Variants in RBFOX1 observed in about 807,000 individuals in gnomAD.
The protein encoded by RBFOX1 is RNA binding fox-1 homolog 1.
In RBFOX1, 8 loss-of-function variants were observed where a neutral mutation model predicts 57.7. That is an observed-to-expected ratio of 0.14 (90% CI 0.08 to 0.25). The LOEUF is 0.25. Ranked by LOEUF, RBFOX1 falls within the 10% of genes least tolerant of loss-of-function variation. The pLI, the probability that RBFOX1 is intolerant of heterozygous loss-of-function variation, is 1.00. For missense variants in RBFOX1, 611 were observed against 548.5 expected (o/e 1.11, Z -1.14); for synonymous variants, 326 against 222.4 (o/e 1.47, Z -4.15).
At chr16:6,779,182 C>T (rs780957477) in intron 3 of RBFOX1, among the ~76,000 whole-genome samples, 21 of 152,046 alleles carry the variant, frequency 1.4e-4, no homozygotes, top group Non-Finnish European at 2.5e-4. Flanking sequence ...AACTCCCCTT[C>T]CTTGCATTTG....
chr16:7,060,349 A>G (rs1415143887), intron 4 of RBFOX1, among the ~76,000 whole-genome samples: 1 of 152,214 alleles, frequency 6.6e-6, no homozygotes, highest in Non-Finnish European at 1.5e-5. Flanking sequence ...AAGGTTAATG[A>G]GGGATTTTTA....
chr16:6,156,145 A>G (rs1013182743), intron 1 of RBFOX1, among the ~76,000 whole-genome samples: 2 of 152,174 alleles, frequency 1.3e-5, no homozygotes, highest in Admixed American at 1.3e-4. Context: ...AATTTTCTAA[A>G]ACATTTTTAA....
intron 3 of RBFOX1, among the ~76,000 whole-genome samples, chr16:7,049,373 C>T (rs1482136249): frequency 2.6e-5 from 4 of 152,078 alleles, no homozygotes; most frequent in African/African-American, 9.7e-5. Context: ...ACCCCTGTTG[C>T]CACTGTTGTT....
In RBFOX1 at chr16:6,881,454, G is replaced by C. The variant is rs1388017592; in HGVS notation, c.-15-170603G>C. On this transcript the variant is annotated intron_variant, in intron 3 of 15. Coordinates refer to ENST00000550418, the MANE Select transcript of RBFOX1 (RefSeq NM_018723.4). ...TCTGAGGGCTGTGAGCAAAGGGTCT[G>C]CTGCAGGCCTATCCGTGGCTTGTAG... Among the ~76,000 whole-genome samples, 3 of 152,150 alleles carry C rather than the reference G, an allele frequency of 2.0e-5. No homozygotes were observed. The East Asian group carries it at 5.8e-4, about 29-fold the overall frequency.
At chr16:5,636,315 C>T (rs1201061822) in intron 3 of RBFOX1, among the ~76,000 whole-genome samples, 2 of 152,148 alleles carry the variant, frequency 1.3e-5, no homozygotes, top group East Asian at 3.9e-4. Context: ...GCCATTTCAC[C>T]CTAGCCTGGG....
chr16:7,190,743 G>C (rs9929583), intron 4 of RBFOX1, among the ~76,000 whole-genome samples: 38,776 of 152,028 alleles, frequency 0.26, 5,481 homozygotes, highest in African/African-American at 0.38. Context: ...ATGGTTCTAG[G>C]TTTGTAGAGC....
chr16:7,428,492 A>ATTTTAT (rs1450893360), intron 4 of RBFOX1, among the ~76,000 whole-genome samples: 1 of 112,098 alleles, frequency 8.9e-6, no homozygotes, highest in South Asian at 3.2e-4. Flanking sequence ...ACTCCTGGCT[A>ATTTTAT]TTTTATTATT....
chr16:6,849,652 A>C (rs1392491321), intron 3 of RBFOX1, among the ~76,000 whole-genome samples: 2 of 152,154 alleles, frequency 1.3e-5, no homozygotes, highest in Non-Finnish European at 2.9e-5. Flanking sequence ...CTGGGCAAGA[A>C]AGCAAGACTC....
In RBFOX1 at chr16:6,539,658, C is replaced by T. The variant is rs201580210; in HGVS notation, c.-63-114945C>T. ...ACTAAAAATACAAAAATTAGCCATGCCTGGTGGCCAGCACCTGTAGTCCCA... is the reference window on the plus strand; with the variant it reads ...ACTAAAAATACAAAAATTAGCCATGTCTGGTGGCCAGCACCTGTAGTCCCA... On this transcript the variant is annotated intron_variant, in intron 2 of 15. Transcript: ENST00000550418. Among the ~76,000 whole-genome samples the T allele has an allele frequency of 5.9e-5, 9 of 152,002 alleles. No individual in the cohort carries two copies. In the East Asian group the frequency reaches 1.4e-3, roughly 23 times the overall value.
At position 7,075,876 on chromosome 16, in the gene RBFOX1, G is replaced by A. The variant is rs139216812; in HGVS notation, c.27+23778G>A. ...ATTACAGGCGTGAGCCACCGCGCCC[G>A]GCCTGGGCTTGCATTTCAACATGTA... On this transcript the variant is annotated intron_variant, in intron 4 of 15. Transcript: ENST00000550418. 1.4e-3 allele frequency among the ~76,000 whole-genome samples: 219 copies of A among 152,042 alleles called. 1 individual carries two copies. Among genetic ancestry groups the A allele is most frequent in the African/African-American group, 5.1e-3 (212 of 41,468 alleles).
chr16:5,465,780 A>G (rs1220249800), intron 1 of RBFOX1, among the ~76,000 whole-genome samples: 3 of 152,256 alleles, frequency 2.0e-5, no homozygotes, highest in South Asian at 2.1e-4. Context: ...TCGTCACCCT[A>G]TGAAGTAGGC....
At chr16:6,858,724 T>C (rs762453048) in intron 3 of RBFOX1, among the ~76,000 whole-genome samples, 6 of 152,156 alleles carry the variant, frequency 3.9e-5, no homozygotes, top group Non-Finnish European at 7.4e-5. Context: ...CAGCTCAGCC[T>C]CTTTATGGAA....
chr16:6,202,669 G>A (rs2097222503), intron 1 of RBFOX1, among the ~76,000 whole-genome samples: 1 of 152,042 alleles, frequency 6.6e-6, no homozygotes, highest in South Asian at 2.1e-4. Context: ...TAAATTCGGA[G>A]GTAACTATAC....
Position 6,999,343 on chromosome 16 carries a change from C to T in RBFOX1, c.-15-52714C>T, listed in dbSNP as rs184556757. Among the ~76,000 whole-genome samples the T allele has an allele frequency of 1.3e-4, 20 of 151,276 alleles. No homozygotes were observed. The East Asian group carries it at 2.3e-3, about 18-fold the overall frequency. ...AAGTGATGGGATGACAGGCATGAGC[C>T]GTTGTGCCTGGCCAGGAGCTACATT... On this transcript the variant is annotated intron_variant, in intron 3 of 15. Coordinates refer to ENST00000550418, the MANE Select transcript of RBFOX1 (RefSeq NM_018723.4).
At chr16:6,883,954 G>T (rs7204418) in intron 3 of RBFOX1, among the ~76,000 whole-genome samples, 119,848 of 152,050 alleles carry the variant, frequency 0.79, 48,184 homozygotes, top group African/African-American at 0.95. Context: ...ACTTGCCACG[G>T]TCCAAAGCGC....
intron 4 of RBFOX1, among the ~76,000 whole-genome samples, chr16:5,883,301 A>T (rs894356897): frequency 1.3e-5 from 2 of 152,222 alleles, no homozygotes; most frequent in Non-Finnish European, 2.9e-5. Flanking sequence ...GTGTGTTAAA[A>T]TCAGAAAAAT....
rs181049733 is a variant in RBFOX1, at chr16:6,184,504, G to A, written c.-126-132491G>A. ...CTATATGATCGTATGCTTAGGTAAT[G>A]GTTTGAACGTGAGATGTGAAAGAGA... On this transcript the variant is annotated intron_variant, in intron 1 of 15. Transcript: ENST00000550418. 6.5e-4 allele frequency among the ~76,000 whole-genome samples: 99 copies of A among 152,160 alleles called. 2 individuals carry two copies. Among genetic ancestry groups the A allele is most frequent in the Admixed American group, 6.5e-3 (99 of 15,272 alleles).
intron 4 of RBFOX1, among the ~76,000 whole-genome samples, chr16:7,369,567 A>T (rs915464588): frequency 6.6e-6 from 1 of 152,178 alleles, no homozygotes; most frequent in Non-Finnish European, 1.5e-5. Flanking sequence ...CATAATTAAC[A>T]TATGGTTATA....
intron 2 of RBFOX1, among the ~76,000 whole-genome samples, chr16:6,419,075 T>A (rs1016154011): frequency 2.6e-5 from 4 of 152,242 alleles, no homozygotes; most frequent in Admixed American, 6.5e-5. Context: ...TCCAGGGTTA[T>A]CTTTGCAGTG....
Sources: allele counts gnomAD v4.1 joint callset (sites outside exome capture counted in the v4.1 genomes callset), GRCh38; gene constraint gnomAD v4.1.1; transcripts MANE v1.5; gene names NCBI Gene and HGNC (gene_info 2026-07-23, HGNC 2026-07-21).